Variants in STAU2 observed in about 807,000 individuals in gnomAD.
STAU2 encodes double-stranded RNA-binding protein Staufen homolog 2.
A neutral mutation model predicts 65.9 loss-of-function variants in STAU2; 20 were observed. The observed-to-expected ratio is 0.30, with a 90% CI of 0.21 to 0.44. The LOEUF is 0.44. STAU2 is among the 20% of genes least tolerant of loss of function. The pLI is 1.00. For synonymous variants in STAU2, 232 were observed against 233.9 expected (o/e 0.99, Z 0.07); for missense variants, 558 against 683.9 (o/e 0.82, Z 2.05).
chr8:73,561,630 A>G (rs1050047662), intron 12 of STAU2: 8 of 438,584 alleles, frequency 1.8e-5, no homozygotes, highest in African/African-American at 1.6e-4. Context: ...ACACATACTG[A>G]AATGTCTACC....
At chr8:73,712,702 C>A (rs754757151) in intron 3 of STAU2, among the ~76,000 whole-genome samples, 1 of 152,182 alleles carries the variant, frequency 6.6e-6, no homozygotes, top group Non-Finnish European at 1.5e-5. Context: ...CATCTGTAAT[C>A]CCAGTACATT....
intron 4 of STAU2, among the ~76,000 whole-genome samples, chr8:73,701,405 A>G (rs956906204): frequency 3.3e-5 from 5 of 152,192 alleles, no homozygotes; most frequent in African/African-American, 9.6e-5. Context: ...ATCAAAATAT[A>G]TAAGAAGCTC....
Position 73,420,662 on chromosome 8 carries a change from C to T in STAU2, c.*710G>A. The T allele has an allele frequency of 6.1e-6, 1 of 164,132 alleles. No individual in the cohort carries two copies. The highest frequency in any genetic ancestry group is 5.8e-5 in the Admixed American group (1 of 17,314). 10.2% of individuals were successfully genotyped at this position (164,132 alleles called of 1,614,324 possible). A position where few individuals can be genotyped will look rare whatever the true frequency, so the allele number is the denominator to read the frequency against. On this transcript the variant is annotated 3_prime_UTR_variant, in exon 15 of 15. Coordinates refer to ENST00000524300, the MANE Select transcript of STAU2 (RefSeq NM_001164380.2). ...TAGGGGCAAGACGCCCCCTTACTTG[C>T]TAAGAGTATATGGAGCTCAAAACCC...
At chr8:73,494,442 A>G (rs1285054716) in intron 13 of STAU2, among the ~76,000 whole-genome samples, 1 of 151,812 alleles carries the variant, frequency 6.6e-6, no homozygotes. Context: ...AGTGACTTAC[A>G]AACAGCATGT....
intron 13 of STAU2, among the ~76,000 whole-genome samples, chr8:73,466,604 C>A (rs1819669617): frequency 1.3e-5 from 2 of 152,208 alleles, no homozygotes. Context: ...AGGCCTGTTT[C>A]AAAGGCCTCT....
At chr8:73,471,204 A>C (rs1585825304) in intron 13 of STAU2, among the ~76,000 whole-genome samples, 2 of 129,384 alleles carry the variant, frequency 1.5e-5, no homozygotes, top group Admixed American at 1.8e-4. Flanking sequence ...ACAGAGTCTC[A>C]CTCTGTTGCC....
At chr8:73,446,142 G>A (rs1354142588) in intron 13 of STAU2, among the ~76,000 whole-genome samples, 4 of 152,210 alleles carry the variant, frequency 2.6e-5, no homozygotes, top group African/African-American at 4.8e-5. Flanking sequence ...ATATAACTTG[G>A]ATGGACCTCA....
At chr8:73,490,348 A>G (rs987683531) in intron 13 of STAU2, among the ~76,000 whole-genome samples, 2 of 152,002 alleles carry the variant, frequency 1.3e-5, no homozygotes, top group Admixed American at 6.6e-5. Context: ...TGTAGATGGA[A>G]AAAGACTTCA....
chr8:73,550,561 A>C, intron 13 of STAU2: 6 of 981,872 alleles, frequency 6.1e-6, no homozygotes, highest in Non-Finnish European at 7.3e-6. Flanking sequence ...TTTTCATCAC[A>C]ATTTATTTCT....
intron 13 of STAU2, among the ~76,000 whole-genome samples, chr8:73,490,167 G>C (rs1821090989): frequency 6.6e-6 from 1 of 151,982 alleles, no homozygotes; most frequent in Admixed American, 6.6e-5. Flanking sequence ...GGTTTAAGAG[G>C]ATGGATGTTC....
chr8:73,645,095 T>C (rs181476789), intron 6 of STAU2, among the ~76,000 whole-genome samples: 13 of 152,262 alleles, frequency 8.5e-5, no homozygotes, highest in Admixed American at 3.3e-4. Flanking sequence ...AGTACAATAG[T>C]ATCCTGATAT....
chr8:73,550,276 T>C (rs745337647), intron 13 of STAU2: 5 of 984,716 alleles, frequency 5.1e-6, no homozygotes, highest in Non-Finnish European at 6.0e-6. Context: ...AAAAAGGCCT[T>C]AGCAATGCAA....
At chr8:73,587,039 T>A (rs1397067468) in intron 11 of STAU2, among the ~76,000 whole-genome samples, 1 of 152,066 alleles carries the variant, frequency 6.6e-6, no homozygotes, top group Non-Finnish European at 1.5e-5. Context: ...ACATATAAAA[T>A]ACACATATCT....
intron 12 of STAU2, among the ~76,000 whole-genome samples, chr8:73,577,297 A>G (rs987079024): frequency 1.2e-4 from 18 of 151,890 alleles, no homozygotes; most frequent in East Asian, 5.8e-4. Flanking sequence ...GCGTGGTGGC[A>G]GGCGCCTATA....
At chr8:73,571,206 T>A (rs1275770207) in intron 12 of STAU2, among the ~76,000 whole-genome samples, 1 of 152,174 alleles carries the variant, frequency 6.6e-6, no homozygotes, top group African/African-American at 2.4e-5. Context: ...CTATCCTAAA[T>A]ATATATGCAC....
chr8:73,515,285 T>C (rs1471654230), intron 13 of STAU2, among the ~76,000 whole-genome samples: 1 of 152,214 alleles, frequency 6.6e-6, no homozygotes, highest in Non-Finnish European at 1.5e-5. Context: ...AGGTAGCAGC[T>C]ATTTGCCATG....
intron 13 of STAU2, among the ~76,000 whole-genome samples, chr8:73,484,942 T>C (rs1820831293): frequency 6.6e-6 from 1 of 152,082 alleles, no homozygotes; most frequent in African/African-American, 2.4e-5. Context: ...TATTAATTAG[T>C]TGACAATTTT....
intron 13 of STAU2, among the ~76,000 whole-genome samples, chr8:73,428,208 A>G (rs1298268541): frequency 6.6e-6 from 1 of 152,236 alleles, no homozygotes; most frequent in Non-Finnish European, 1.5e-5. Context: ...TCACATATAA[A>G]TGAGAACATG....
At chr8:73,494,389 G>A (rs901027377) in intron 13 of STAU2, among the ~76,000 whole-genome samples, 7 of 151,596 alleles carry the variant, frequency 4.6e-5, no homozygotes, top group African/African-American at 9.7e-5. Flanking sequence ...ATAAAATTCC[G>A]TCTCTCTTAT....
Sources: allele counts gnomAD v4.1 joint callset (sites outside exome capture counted in the v4.1 genomes callset), GRCh38; gene constraint gnomAD v4.1.1; transcripts MANE v1.5; gene names NCBI Gene and HGNC (gene_info 2026-07-23, HGNC 2026-07-21).